The following PRKAR2A variants were observed in gnomAD, a reference collection of about 807,000 sequenced individuals.
PRKAR2A encodes the protein protein kinase cAMP-dependent type II regulatory subunit alpha, also known as cAMP-dependent protein kinase type II-alpha regulatory subunit.
A neutral mutation model predicts 51.9 loss-of-function variants in PRKAR2A; 29 were observed. The ratio of observed to expected loss-of-function variants is 0.56; its 90% CI spans 0.42 to 0.76. The LOEUF (loss-of-function observed/expected upper bound fraction) is 0.76. Ranked by LOEUF, PRKAR2A falls within the 30% of genes least tolerant of loss-of-function variation. The pLI is 0.00. For missense variants in PRKAR2A, 445 were observed against 512.1 expected (o/e 0.87, Z 1.26); for synonymous variants, 178 against 186.2 (o/e 0.96, Z 0.36).
chr3:48,770,704 T>A (rs1256159006), intron 6 of PRKAR2A, among the ~76,000 whole-genome samples: 2 of 151,142 alleles, frequency 1.3e-5, no homozygotes, highest in East Asian at 1.9e-4. Context: ...AGAATAGGAG[T>A]CTTAGGAAAG....
At position 48,767,923 on chromosome 3, in the gene PRKAR2A, C is replaced by CA. The variant is rs1213781822; in HGVS notation, c.697-2575dup. On this transcript the variant is annotated intron_variant, in intron 6 of 10. Transcript: ENST00000265563. ...TGGGAGACAGAGCGAGACTCCATCT[C>CA]AAAAAAAAAAACAAACAAAAAAACC... Among the ~76,000 whole-genome samples the CA allele has an allele frequency of 8.7e-3, 1,060 of 121,618 alleles. 11 individuals carry two copies. The highest frequency in any genetic ancestry group is 0.05 in the Middle Eastern group (11 of 218). The allele number at this position is 121,618 out of a possible 152,430, so 79.8% of individuals were successfully genotyped here.
intron 1 of PRKAR2A, among the ~76,000 whole-genome samples, chr3:48,832,110 A>G (rs1466453545): frequency 1.3e-5 from 2 of 152,114 alleles, no homozygotes; most frequent in Admixed American, 6.6e-5. Context: ...CCTAGCCAAC[A>G]TGGTGAAACT....
chr3:48,776,033 G>C (rs928551459), intron 5 of PRKAR2A, among the ~76,000 whole-genome samples: 1 of 152,152 alleles, frequency 6.6e-6, no homozygotes, highest in Non-Finnish European at 1.5e-5. Flanking sequence ...CTTGAAACCA[G>C]GAGGTGGAGG....
chr3:48,815,339 A>G (rs1484580137), intron 1 of PRKAR2A, among the ~76,000 whole-genome samples: 13 of 150,866 alleles, frequency 8.6e-5, no homozygotes, highest in Admixed American at 8.6e-4. Flanking sequence ...CATATTTTAT[A>G]TATTATATAT....
At chr3:48,758,580 CAA>C (rs527383934) in intron 8 of PRKAR2A, among the ~76,000 whole-genome samples, 13 of 51,076 alleles carry the variant, frequency 2.5e-4, no homozygotes, top group Admixed American at 4.2e-4. Flanking sequence ...AAGACTGTCT[CAA>C]AAAAAAAAAA....
rs1327549332 is a variant in PRKAR2A, at chr3:48,773,042, A to C, written c.609T>G (p.Arg203=). ...QTRSVGQYDN[R]GSFGELALMY... is the part of the protein sequence containing the mutation. ...TCAGAGCTAGTTCTCCAAAACTGCC[A>C]CGGTTGTCATATTGACCAACAGAGC... is the stretch of plus-strand genomic sequence containing the variant. The change falls in exon 6 of 11, where the codon CGT becomes CGG. Residue 203 remains arginine, a synonymous_variant. Coordinates refer to ENST00000265563, the MANE Select transcript of PRKAR2A (RefSeq NM_004157.4). The C allele has an allele frequency of 1.2e-6, 2 of 1,613,968 alleles. No individual in the cohort carries two copies. The highest frequency in any genetic ancestry group is 2.2e-5 in the South Asian group (2 of 91,066).
At chr3:48,790,458 G>T in intron 4 of PRKAR2A, 86 bp downstream of exon 4, 1 of 859,028 alleles carries the variant, frequency 1.2e-6, no homozygotes. Flanking sequence ...GCTGTGGCTA[G>T]GGTGCTAAAA....
At chr3:48,800,299 G>A (rs13094900) in intron 2 of PRKAR2A, among the ~76,000 whole-genome samples, 11,430 of 151,292 alleles carry the variant, frequency 0.076, 567 homozygotes, top group Middle Eastern at 0.11. Flanking sequence ...CAGATGACAA[G>A]GTCAGGAGTT....
intron 1 of PRKAR2A, among the ~76,000 whole-genome samples, chr3:48,815,342 T>A (rs1575921311): frequency 6.7e-6 from 1 of 149,912 alleles, no homozygotes; most frequent in Non-Finnish European, 1.5e-5. Context: ...ATTTTATATA[T>A]TATATATATA....
intron 5 of PRKAR2A, among the ~76,000 whole-genome samples, chr3:48,777,217 T>C (rs2082118459): frequency 6.6e-6 from 1 of 152,140 alleles, no homozygotes; most frequent in African/African-American, 2.4e-5. Context: ...TGCCCTGCTC[T>C]CTCTAAAAAG....
intron 9 of PRKAR2A, among the ~76,000 whole-genome samples, chr3:48,754,528 T>A (rs2081725684): frequency 6.6e-6 from 1 of 152,062 alleles, no homozygotes; most frequent in South Asian, 2.1e-4. Context: ...ATCCCAGCAC[T>A]TTGGGAGGCA....
chr3:48,846,219 CTTTTTTTT>C (rs11340522), intron 1 of PRKAR2A, among the ~76,000 whole-genome samples: 1 of 127,272 alleles, frequency 7.9e-6, no homozygotes, highest in African/African-American at 3.0e-5. Flanking sequence ...TTTCCTTTTT[CTTTTTTTT>C]TTTTTTTGAG....
At chr3:48,827,867 T>C (rs1278197860) in intron 1 of PRKAR2A, among the ~76,000 whole-genome samples, 3 of 152,170 alleles carry the variant, frequency 2.0e-5, no homozygotes, top group African/African-American at 7.2e-5. Flanking sequence ...AACCTTAATT[T>C]TTTTTTGTTT....
intron 2 of PRKAR2A, among the ~76,000 whole-genome samples, chr3:48,797,438 T>C (rs570018802): frequency 6.6e-6 from 1 of 152,264 alleles, no homozygotes; most frequent in African/African-American, 2.4e-5. Flanking sequence ...CTCCCAGTTA[T>C]TTCCCAGTTT....
At chr3:48,777,408 T>C (rs1008902482) in intron 5 of PRKAR2A, among the ~76,000 whole-genome samples, 3 of 151,996 alleles carry the variant, frequency 2.0e-5, no homozygotes, top group Non-Finnish European at 4.4e-5. Context: ...ATCCTGTTTG[T>C]ATTTTATTTT....
chr3:48,761,099 C>T (rs961210923), intron 8 of PRKAR2A, among the ~76,000 whole-genome samples: 3 of 152,028 alleles, frequency 2.0e-5, no homozygotes, highest in East Asian at 1.9e-4. Flanking sequence ...CTGGCTAACA[C>T]GGTGAAACCT....
intron 1 of PRKAR2A, among the ~76,000 whole-genome samples, chr3:48,835,117 G>A (rs2107451051): frequency 6.6e-6 from 1 of 152,098 alleles, no homozygotes; most frequent in Non-Finnish European, 1.5e-5. Flanking sequence ...GACTACAGAT[G>A]TACACCACCA....
intron 6 of PRKAR2A, among the ~76,000 whole-genome samples, chr3:48,768,774 A>G (rs2081978539): frequency 6.6e-6 from 1 of 152,170 alleles, no homozygotes; most frequent in Admixed American, 6.5e-5. Flanking sequence ...ATCCACCTAC[A>G]GTGTAACAAA....
chr3:48,782,711 C>T (rs977926632), intron 5 of PRKAR2A, among the ~76,000 whole-genome samples: 4 of 152,208 alleles, frequency 2.6e-5, no homozygotes. Context: ...CGGCCTTGGC[C>T]TCCCAAAGTG....
Sources: allele counts gnomAD v4.1 joint callset (sites outside exome capture counted in the v4.1 genomes callset), GRCh38; gene constraint gnomAD v4.1.1; transcripts MANE v1.5; gene names NCBI Gene and HGNC (gene_info 2026-07-23, HGNC 2026-07-21).